Variants in H2BW1 observed in about 807,000 individuals in gnomAD.
H2BW1 encodes the protein histone H2B type W-T.
In H2BW1, 9 loss-of-function variants were observed where a neutral mutation model predicts 8.0. The ratio of observed to expected loss-of-function variants is 1.13; its 90% CI spans 0.68 to 1.97. The LOEUF (loss-of-function observed/expected upper bound fraction) is 1.97, where lower values mean the gene tolerates loss of function less well. Ranked by LOEUF, H2BW1 falls within the 30% of genes most tolerant of loss-of-function variation. The pLI is 0.00. For synonymous variants in H2BW1, 58 were observed against 54.7 expected (o/e 1.06, Z -0.26); for missense variants, 137 against 132.0 (o/e 1.04, Z -0.19).
At chrX:104,011,626 C>T (rs113552047) in intron 2 of H2BW1, among the ~76,000 whole-genome samples, 163 bp from the exon 3 acceptor site, 51 of 111,525 alleles carry the variant, frequency 4.6e-4, no homozygotes, top group African/African-American at 1.6e-3. Context: ...CCATTTCCCT[C>T]TTGACCAAAC....
intron 1 of H2BW1, 70 bp from the exon 2 acceptor site, chrX:104,012,818 A>G: frequency 8.5e-7 from 1 of 1,182,383 alleles, no homozygotes; most frequent in Non-Finnish European, 1.1e-6. Context: ...CAGTAATAAT[A>G]TCACCATATA....
intron 2 of H2BW1, among the ~76,000 whole-genome samples, chrX:104,012,144 C>T (rs782113644): frequency 2.7e-5 from 3 of 112,330 alleles, no homozygotes; most frequent in Non-Finnish European, 5.6e-5. Context: ...CGTTATCTGA[C>T]TTCTCCTAAA....
chrX:104,013,253 C>T lies in H2BW1; in HGVS notation c.324G>A (p.Trp108Ter), dbSNP rs374856708. The T allele has an allele frequency of 8.3e-7, 1 of 1,210,758 alleles. No homozygotes were observed. The highest frequency in any genetic ancestry group is 2.2e-5 in the Admixed American group (1 of 45,967). The change falls in exon 1 of 3, where the codon TGG becomes TGA. Residue 108 changes from tryptophan (W) to a stop codon, truncating the protein, a stop_gained. Transcript: ENST00000217926. LOFTEE classifies it high-confidence loss of function. ...RSTKRQTITA[W>*]ETRMAVRLLL... ...GCAGGCGCACAGCCATCCGGGTCTCCCAGGCAGTGATGGTCTGGCGCTTGG... is the reference window on the plus strand; with the variant it reads ...GCAGGCGCACAGCCATCCGGGTCTCTCAGGCAGTGATGGTCTGGCGCTTGG...
At position 104,012,763 on chromosome X, in the gene H2BW1, C is replaced by T; in HGVS notation, c.408-15G>A. 8.3e-7 allele frequency: 1 copy of T among 1,211,406 alleles called. No homozygotes were observed. Among genetic ancestry groups the T allele is most frequent in the Non-Finnish European group, 1.1e-6 (1 of 895,299 alleles). ...ACAGTGAAGTTCTGGAAAATTCCAC[C>T]ATCCAGTCACAGGAGAATGAGACAG... On this transcript the variant is annotated splice_polypyrimidine_tract_variant and intron_variant, in intron 1 of 2. Transcript: ENST00000217926.
At position 104,013,269 on chromosome X, in the gene H2BW1, T is replaced by C; in HGVS notation, c.308A>G (p.Gln103Arg). Residue 103 changes from glutamine to arginine, a missense_variant, in exon 1 of 3, where the codon CAG becomes CGG. Coordinates refer to ENST00000217926, the MANE Select transcript of H2BW1 (RefSeq NM_001002916.5). ...AGHLARSTKR[Q>R]TITAWETRMA... ...CCGGGTCTCCCAGGCAGTGATGGTC[T>C]GGCGCTTGGTGGAGCGGGCCAGGTG... is the stretch of plus-strand genomic sequence containing the variant. 5.8e-6 allele frequency: 7 copies of C among 1,211,987 alleles called. No individual in the cohort carries two copies. The highest frequency in any genetic ancestry group is 6.7e-6 in the Non-Finnish European group (6 of 895,566).
chrX:104,013,117 G>T, intron 1 of H2BW1, 53 bp downstream of exon 1: 1 of 1,157,413 alleles, frequency 8.6e-7, no homozygotes. Flanking sequence ...AGACCCTTTG[G>T]GTTCCCGTGG....
intron 1 of H2BW1, 119 bp from the exon 2 acceptor site, chrX:104,012,867 C>T: frequency 1.8e-5 from 19 of 1,067,061 alleles, no homozygotes; most frequent in Non-Finnish European, 2.3e-5. Flanking sequence ...TGACCGTTTA[C>T]GAAACTGAGG....
Position 104,012,704 on chromosome X carries a change from C to T in H2BW1, c.*8G>A. On this transcript the variant is annotated 3_prime_UTR_variant, in exon 2 of 3. Transcript: ENST00000217926. ...AGGAGGGTTACCTTGCTTCTTGTAT[C>T]AGCGTATTCACTTTCTCTGTTGCTG... 1 of 1,211,494 alleles carries T rather than the reference C, an allele frequency of 8.3e-7. No individual in the cohort carries two copies.
At position 104,013,227 on chromosome X, in the gene H2BW1, A is replaced by G; in HGVS notation, c.350T>C (p.Leu117Pro). Residue 117 changes from leucine to proline, a missense_variant, in exon 1 of 3, where the codon CTG becomes CCG. Leu to Pro is a moderately conservative substitution (Grantham distance 98). Transcript: ENST00000217926. ...AWETRMAVRL[L>P]LPGQMGKLAE... ...GAGCTTGCCCATCTGCCCCGGCAGC[A>G]GCAGGCGCACAGCCATCCGGGTCTC... 1 of 1,211,690 alleles carries G rather than the reference A, an allele frequency of 8.3e-7. No individual in the cohort carries two copies. The highest frequency in any genetic ancestry group is 1.1e-6 in the Non-Finnish European group (1 of 895,302).
intron 1 of H2BW1, 148 bp downstream of exon 1, chrX:104,013,022 G>A (rs1184630379): frequency 1.1e-4 from 97 of 877,009 alleles, no homozygotes; most frequent in Non-Finnish European, 1.4e-4. Context: ...CCCCCAAGTC[G>A]GAAGGGCACC....
chrX:104,012,356 C>A (rs1347822558), intron 2 of H2BW1, among the ~76,000 whole-genome samples: 2 of 111,814 alleles, frequency 1.8e-5, no homozygotes, highest in Admixed American at 1.9e-4. Flanking sequence ...TCACTGCCCC[C>A]ACACTGGGAC....
Position 104,013,506 on chromosome X carries a change from GA to G in H2BW1, c.70del (p.Ser24ProfsTer38), listed in dbSNP as rs1556337824. The G allele has an allele frequency of 8.2e-7, 1 of 1,212,154 alleles. No homozygotes were observed. Among genetic ancestry groups the G allele is most frequent in the Non-Finnish European group, 1.1e-6 (1 of 895,622 alleles). On this transcript the variant is annotated frameshift_variant, in exon 1 of 3. Coordinates refer to ENST00000217926, the MANE Select transcript of H2BW1 (RefSeq NM_001002916.5). LOFTEE classifies it high-confidence loss of function. Reference protein sequence around the residue: ...LITQEPKEANSTTSQKQSKQR... With the variant: ...LITQEPKEANXTTSQKQSKQR... ...CTTGCTCTGCTTCTGGGACGTAGTG[GA>G]GTTGGCCTCTTTGGGCTCCTGGGTG...
rs200090293 is a variant in H2BW1 at position 104,013,309 on chromosome X, C to T, written c.268G>A (p.Ala90Thr). 2 of 1,210,445 alleles carry T rather than the reference C, an allele frequency of 1.7e-6. No homozygotes were observed. Among genetic ancestry groups the T allele is most frequent in the East Asian group, 3.0e-5 (1 of 33,756 alleles). The change falls in exon 1 of 3, where the codon GCC (alanine) becomes ACC (threonine). Residue 90 changes from alanine to threonine, a missense_variant. Transcript: ENST00000217926. ...SLVHDILDRI[A>T]TEAGHLARST... ...CGGGCCAGGTGACCAGCCTCGGTGG[C>T]GATGCGGTCCAATATGTCATGAACC...
chrX:104,013,626 G>A lies in H2BW1; in HGVS notation c.-50C>T, dbSNP rs1556337884. On this transcript the variant is annotated 5_prime_UTR_variant, in exon 1 of 3. Transcript: ENST00000217926. ...GCACGACCAGACAATGGCGGTTGTG[G>A]ACCGGGGAAGCCGGGGCACTTCGGT... 1 of 1,206,492 alleles carries A rather than the reference G, an allele frequency of 8.3e-7. No homozygotes were observed. The highest frequency in any genetic ancestry group is 1.1e-6 in the Non-Finnish European group (1 of 893,200).
rs782103173 is a variant in H2BW1 at position 104,012,784 on chromosome X, G to A, written c.408-36C>T. 18 of 1,208,490 alleles carry A rather than the reference G, an allele frequency of 1.5e-5. No homozygotes were observed. The African/African-American group carries it at 2.5e-4, about 16-fold the overall frequency. ...CCACCATCCAGTCACAGGAGAATGA[G>A]ACAGAAAAAGGTAAAGATCAGTGCA... is the stretch of plus-strand genomic sequence containing the variant. On this transcript the variant is annotated intron_variant, in intron 1 of 2. Coordinates refer to ENST00000217926, the MANE Select transcript of H2BW1 (RefSeq NM_001002916.5).
Position 104,013,199 on chromosome X carries a change from G to A in H2BW1, c.378C>T (p.Ala126=), listed in dbSNP as rs139759218. 3.2e-5 allele frequency: 39 copies of A among 1,209,094 alleles called. No individual in the cohort carries two copies. Among genetic ancestry groups the A allele is most frequent in the Admixed American group, 4.3e-5 (2 of 45,996 alleles). ...LLLPGQMGKL[A]ESEGTKAVLR... ...GGACAGCCTTCGTGCCTTCGGACTCGGCGAGCTTGCCCATCTGCCCCGGCA... is the reference window on the plus strand; with the variant it reads ...GGACAGCCTTCGTGCCTTCGGACTCAGCGAGCTTGCCCATCTGCCCCGGCA... Residue 126 remains alanine, a synonymous_variant, in exon 1 of 3, where the codon GCC becomes GCT. Transcript: ENST00000217926.
At position 104,013,068 on chromosome X, in the gene H2BW1, AGCCACTGGTCTTTCAG is replaced by A. The variant is rs2075130581; in HGVS notation, c.407+86_407+101del. Reference sequence around the variant, plus strand: ...GCCTCCGGTGGTGTCCCCCTTGGCGAGCCACTGGTCTTTCAGGCCACATTCAGTGGCTCTGAAAAGA... The same window carrying A: ...GCCTCCGGTGGTGTCCCCCTTGGCGAGCCACATTCAGTGGCTCTGAAAAGA... On this transcript the variant is annotated intron_variant, in intron 1 of 2. Coordinates refer to ENST00000217926, the MANE Select transcript of H2BW1 (RefSeq NM_001002916.5). 2.6e-5 allele frequency: 28 copies of A among 1,080,750 alleles called. 1 individual carries two copies. The South Asian group carries it at 6.2e-4, about 24-fold the overall frequency. 89.1% of individuals were successfully genotyped at this position (1,080,750 alleles called of 1,213,427 possible).
intron 1 of H2BW1, 62 bp from the exon 2 acceptor site, chrX:104,012,810 G>T: frequency 8.4e-7 from 1 of 1,196,554 alleles, no homozygotes; most frequent in South Asian, 1.8e-5. Context: ...GATCAGTGCA[G>T]TAATAATATC....
intron 1 of H2BW1, 149 bp downstream of exon 1, chrX:104,013,021 C>T (rs1421187390): frequency 1.4e-5 from 12 of 861,758 alleles, no homozygotes; most frequent in African/African-American, 2.0e-5. Context: ...CCCCCCAAGT[C>T]GGAAGGGCAC....
Sources: allele counts gnomAD v4.1 joint callset (sites outside exome capture counted in the v4.1 genomes callset), GRCh38; gene constraint gnomAD v4.1.1; transcripts MANE v1.5; gene names NCBI Gene and HGNC (gene_info 2026-07-23, HGNC 2026-07-21).